Variants in OR3A2 observed in about 807,000 individuals in gnomAD.
The protein encoded by OR3A2 is olfactory receptor 3A2.
For missense variants in OR3A2, 318 were observed against 392.8 expected, an observed-to-expected ratio of 0.81 and a Z score of 1.61; for synonymous variants, 126 against 159.3, an observed-to-expected ratio of 0.79 and a Z score of 1.57.
At chr17:3,349,413 CA>C (rs1484532245) in intron 2 of OR3A2, among the ~76,000 whole-genome samples, 1 of 151,508 alleles carries the variant, frequency 6.6e-6, no homozygotes, top group Non-Finnish European at 1.5e-5. Flanking sequence ...TTTAAACCAA[CA>C]AAGATCAAAA....
At chr17:3,289,712 A>G (rs2048847402) in intron 3 of OR3A2, among the ~76,000 whole-genome samples, 1 of 152,198 alleles carries the variant, frequency 6.6e-6, no homozygotes, top group African/African-American at 2.4e-5. Flanking sequence ...GGTCAAGAAC[A>G]GACCCAGAGG....
intron 3 of OR3A2, among the ~76,000 whole-genome samples, chr17:3,305,234 G>A (rs1170661953): frequency 6.6e-6 from 1 of 151,768 alleles, no homozygotes. Flanking sequence ...TAGAGGGGTG[G>A]AGAGGTATGT....
intron 2 of OR3A2, among the ~76,000 whole-genome samples, chr17:3,377,967 A>ATAACAAGGAGAAATGAAAACT (rs2049698632): frequency 6.6e-6 from 1 of 151,930 alleles, no homozygotes; most frequent in Non-Finnish European, 1.5e-5. Context: ...AAATGAAAAC[A>ATAACAAGGAGAAATGAAAACT]TAACAAGGAG....
chr17:3,330,098 C>G (rs552945454), intron 3 of OR3A2, among the ~76,000 whole-genome samples: 1 of 146,576 alleles, frequency 6.8e-6, no homozygotes, highest in Admixed American at 6.8e-5. Flanking sequence ...AATCTCTGTT[C>G]TTTTACATTT....
intron 2 of OR3A2, among the ~76,000 whole-genome samples, chr17:3,381,503 C>T (rs957316413): frequency 6.6e-6 from 1 of 152,150 alleles, no homozygotes; most frequent in Non-Finnish European, 1.5e-5. Context: ...CGTGTTTCAA[C>T]AGGAGCTGAC....
intron 2 of OR3A2, among the ~76,000 whole-genome samples, chr17:3,361,447 CTA>C (rs2049515161): frequency 6.6e-6 from 1 of 151,738 alleles, no homozygotes; most frequent in African/African-American, 2.4e-5. Flanking sequence ...ACTTCCAACA[CTA>C]TGTTGAATAG....
At chr17:3,328,673 A>C (rs1476845365) in intron 3 of OR3A2, among the ~76,000 whole-genome samples, 2 of 150,224 alleles carry the variant, frequency 1.3e-5, no homozygotes, top group Non-Finnish European at 2.9e-5. Context: ...TTGTCCATTC[A>C]GTATGATATT....
intron 2 of OR3A2, among the ~76,000 whole-genome samples, chr17:3,344,865 C>T (rs982152542): frequency 1.3e-5 from 2 of 152,100 alleles, no homozygotes; most frequent in Non-Finnish European, 2.9e-5. Flanking sequence ...GGGAATGTTC[C>T]CTGTCTCCCA....
intron 2 of OR3A2, among the ~76,000 whole-genome samples, chr17:3,345,406 A>G (rs2049353996): frequency 7.2e-6 from 1 of 138,012 alleles, no homozygotes; most frequent in Admixed American, 7.8e-5. Flanking sequence ...ACCAAAAACA[A>G]GAGAAAAAAA....
intron 3 of OR3A2, among the ~76,000 whole-genome samples, chr17:3,322,865 A>G (rs1283908975): frequency 1.3e-5 from 2 of 151,928 alleles, no homozygotes; most frequent in South Asian, 2.1e-4. Context: ...TGGGGTGGAG[A>G]GTTCTGTAGA....
At chr17:3,348,111 ATTTG>A (rs890017208) in intron 2 of OR3A2, among the ~76,000 whole-genome samples, 2 of 151,862 alleles carry the variant, frequency 1.3e-5, no homozygotes, top group African/African-American at 2.4e-5. Context: ...TTTCTTGTAA[ATTTG>A]TTTGAGTTCA....
Position 3,326,409 on chromosome 17 carries a change from G to T in OR3A2, c.-85+9624C>A, listed in dbSNP as rs1336986509. Among the ~76,000 whole-genome samples the T allele has an allele frequency of 2.0e-5, 3 of 152,020 alleles. No homozygotes were observed. In the East Asian group the frequency reaches 5.8e-4, roughly 29 times the overall value. The stretch of plus-strand genomic sequence containing the variant: ...AACATAGGCATCGGCAAAGATTGTT[G>T]CGGGAAGTCAGGGACCCCAAATGGA... On this transcript the variant is annotated intron_variant, in intron 3 of 4. Transcript: ENST00000573491.
intron 3 of OR3A2, among the ~76,000 whole-genome samples, chr17:3,325,397 A>G (rs774153764): frequency 2.6e-5 from 4 of 151,760 alleles, no homozygotes; most frequent in African/African-American, 7.3e-5. Flanking sequence ...TTTAGTAGAG[A>G]TGCGGTTTCA....
At chr17:3,351,561 T>C (rs1402878294) in intron 2 of OR3A2, among the ~76,000 whole-genome samples, 6 of 123,826 alleles carry the variant, frequency 4.8e-5, no homozygotes, top group African/African-American at 1.9e-4. Flanking sequence ...GAACATTCCA[T>C]GCTCATGGGT....
chr17:3,350,164 G>A (rs2049406748), intron 2 of OR3A2, among the ~76,000 whole-genome samples: 2 of 151,666 alleles, frequency 1.3e-5, no homozygotes, highest in South Asian at 4.2e-4. Flanking sequence ...CTAGCAGAAG[G>A]CAAGAAATAA....
chr17:3,369,886 C>T (rs2049598052), intron 2 of OR3A2, among the ~76,000 whole-genome samples: 1 of 150,862 alleles, frequency 6.6e-6, no homozygotes, highest in African/African-American at 2.4e-5. Flanking sequence ...TCACTGCAAC[C>T]TCTGCTTCAC....
At chr17:3,306,663 G>C (rs2049002401) in intron 3 of OR3A2, among the ~76,000 whole-genome samples, 1 of 126,844 alleles carries the variant, frequency 7.9e-6, no homozygotes. Flanking sequence ...GGGGATCACT[G>C]TGCTCTACTA....
At chr17:3,303,934 TTA>T (rs35478727) in intron 3 of OR3A2, among the ~76,000 whole-genome samples, 7 of 144,516 alleles carry the variant, frequency 4.8e-5, no homozygotes, top group East Asian at 4.0e-4. Flanking sequence ...AATATATATA[TTA>T]TATATATATA....
chr17:3,313,778 T>A (rs373495995), intron 3 of OR3A2, among the ~76,000 whole-genome samples: 3 of 152,206 alleles, frequency 2.0e-5, no homozygotes, highest in East Asian at 3.8e-4. Flanking sequence ...CCCAGCTAGG[T>A]TATAATCTCC....
Sources: gnomAD v4.1 joint callset for allele counts (sites outside exome capture counted in the v4.1 genomes callset) on GRCh38, gnomAD v4.1.1 for gene constraint, MANE v1.5 for transcripts, NCBI Gene and HGNC (gene_info 2026-07-23, HGNC 2026-07-21) for gene names.